The following AGTR1 variants were observed in gnomAD, a reference collection of about 807,000 sequenced individuals.
AGTR1 encodes the protein angiotensin II receptor type 1, also known as type-1 angiotensin II receptor.
Under a neutral mutation model 19.4 loss-of-function variants are expected in AGTR1, and 16 were observed. That is an observed-to-expected ratio of 0.82 (90% CI 0.56 to 1.25). AGTR1 has a LOEUF of 1.25. AGTR1 is among the 50% of genes most tolerant of loss of function. AGTR1 has a pLI of 0.00. For synonymous variants in AGTR1, 153 were observed against 154.9 expected (o/e 0.99, Z 0.09); for missense variants, 373 against 431.9 (o/e 0.86, Z 1.21).
chr3:148,703,065 T>C (rs1362782708), intron 1 of AGTR1, among the ~76,000 whole-genome samples: 1 of 151,834 alleles, frequency 6.6e-6, no homozygotes, highest in Admixed American at 6.6e-5. Flanking sequence ...GAATAAAAGG[T>C]TGAAATATCA....
intron 2 of AGTR1, among the ~76,000 whole-genome samples, chr3:148,720,370 T>C (rs1713562898): frequency 1.3e-5 from 2 of 152,126 alleles, no homozygotes; most frequent in South Asian, 4.1e-4. Context: ...TTCCATCATC[T>C]AAATAACTTC....
chr3:148,741,314 CTGGCCCTT>C lies in AGTR1; in HGVS notation c.284_291del (p.Pro95GlnfsTer5), dbSNP rs1431071473. 2.5e-6 allele frequency: 4 copies of C among 1,611,096 alleles called. No homozygotes were observed. The highest frequency in any genetic ancestry group is 3.4e-6 in the Non-Finnish European group (4 of 1,179,990). Reference sequence around the variant, plus strand: ...CTGTCTACACAGCTATGGAATACCGCTGGCCCTTTGGCAATTACCTATGTAAGATTGCT... The same window carrying C: ...CTGTCTACACAGCTATGGAATACCGCTGGCAATTACCTATGTAAGATTGCT... On this transcript the variant is annotated frameshift_variant, in exon 3 of 3. Coordinates refer to ENST00000349243, the MANE Select transcript of AGTR1 (RefSeq NM_000685.5). LOFTEE classifies it high-confidence loss of function.
chr3:148,740,072 AT>A, intron 2 of AGTR1: 1 of 992,668 alleles, frequency 1.0e-6, no homozygotes, highest in Non-Finnish European at 1.3e-6. Context: ...TTGACTGTTG[AT>A]TATGTAGAAA....
chr3:148,703,723 A>G (rs990208543), intron 1 of AGTR1, among the ~76,000 whole-genome samples: 2 of 152,184 alleles, frequency 1.3e-5, no homozygotes, highest in Non-Finnish European at 2.9e-5. Flanking sequence ...TGTTACCTAC[A>G]GTGTCTGCTC....
intron 2 of AGTR1, among the ~76,000 whole-genome samples, chr3:148,737,439 A>G (rs1714629846): frequency 6.6e-6 from 1 of 151,748 alleles, no homozygotes; most frequent in Non-Finnish European, 1.5e-5. Flanking sequence ...TGGGTCAGTG[A>G]TAAACACAGA....
chr3:148,720,774 T>TA (rs1713586393), intron 2 of AGTR1, among the ~76,000 whole-genome samples: 2 of 152,218 alleles, frequency 1.3e-5, no homozygotes, highest in Admixed American at 6.5e-5. Context: ...ATCTTTGCAT[T>TA]AAAAAATCAT....
chr3:148,699,962 A>G (rs1212972607), intron 1 of AGTR1, among the ~76,000 whole-genome samples: 1 of 152,146 alleles, frequency 6.6e-6, no homozygotes, highest in Non-Finnish European at 1.5e-5. Context: ...ATGCCAATGG[A>G]AGACTTGTCT....
chr3:148,712,840 T>A (rs1713070115), intron 2 of AGTR1, among the ~76,000 whole-genome samples: 1 of 152,164 alleles, frequency 6.6e-6, no homozygotes, highest in African/African-American at 2.4e-5. Flanking sequence ...AGTCTTCCTT[T>A]CACTTACAGA....
At chr3:148,701,132 G>C (rs1230890053) in intron 1 of AGTR1, among the ~76,000 whole-genome samples, 1 of 152,120 alleles carries the variant, frequency 6.6e-6, no homozygotes, top group Non-Finnish European at 1.5e-5. Flanking sequence ...AAATTGGCAA[G>C]TGACTACCAT....
chr3:148,704,736 CCT>C (rs1282838963), intron 1 of AGTR1, among the ~76,000 whole-genome samples: 2 of 152,146 alleles, frequency 1.3e-5, no homozygotes, highest in African/African-American at 2.4e-5. Context: ...CCGAATATCT[CCT>C]GTTTTGACAG....
Position 148,742,994 on chromosome 3 carries a change from T to G in AGTR1, c.*879T>G, listed in dbSNP as rs1452240328. On this transcript the variant is annotated 3_prime_UTR_variant, in exon 3 of 3. Coordinates refer to ENST00000349243, the MANE Select transcript of AGTR1 (RefSeq NM_000685.5). ...TATATTTACTTTAAAATAAAATAATTTTATTGCAATGTATTTATCTTCATT... is the reference window on the plus strand; with the variant it reads ...TATATTTACTTTAAAATAAAATAATGTTATTGCAATGTATTTATCTTCATT... 1.3e-5 allele frequency: 2 copies of G among 158,668 alleles called. No homozygotes were observed. Among genetic ancestry groups the G allele is most frequent in the East Asian group, 3.8e-4 (2 of 5,208 alleles). The allele number at this position is 158,668 out of a possible 1,614,324, so 9.8% of individuals were successfully genotyped here. A position where few individuals can be genotyped will look rare whatever the true frequency, so the allele number is the denominator to read the frequency against.
intron 1 of AGTR1, among the ~76,000 whole-genome samples, chr3:148,706,310 C>G (rs1712665924): frequency 6.6e-6 from 1 of 151,834 alleles, no homozygotes; most frequent in Non-Finnish European, 1.5e-5. Flanking sequence ...TGGGAACTTT[C>G]TTTTGTTAAT....
At chr3:148,713,320 AATAT>A (rs3039555) in intron 2 of AGTR1, among the ~76,000 whole-genome samples, 13 of 148,128 alleles carry the variant, frequency 8.8e-5, no homozygotes, top group Admixed American at 2.0e-4. Context: ...GGAGGGGGGG[AATAT>A]ATATATATAT....
At chr3:148,711,874 A>G (rs527755282) in intron 2 of AGTR1, among the ~76,000 whole-genome samples, 30 of 152,086 alleles carry the variant, frequency 2.0e-4, no homozygotes, top group Admixed American at 3.9e-4. Flanking sequence ...TCATCCTCCC[A>G]AGTATCTAGG....
intron 2 of AGTR1, chr3:148,739,901 T>C: frequency 8.1e-7 from 1 of 1,231,996 alleles, no homozygotes; most frequent in Non-Finnish European, 1.0e-6. Flanking sequence ...CACCTAGCTG[T>C]CCTGGCCTGT....
intron 1 of AGTR1, among the ~76,000 whole-genome samples, chr3:148,700,022 T>C (rs1231233805): frequency 6.6e-6 from 1 of 152,220 alleles, no homozygotes; most frequent in Non-Finnish European, 1.5e-5. Flanking sequence ...GCGGCAATGC[T>C]GCTGTCCCAC....
At chr3:148,702,297 G>T (rs1712395047) in intron 1 of AGTR1, among the ~76,000 whole-genome samples, 1 of 152,036 alleles carries the variant, frequency 6.6e-6, no homozygotes, top group East Asian at 1.9e-4. Flanking sequence ...CTTTTAAAGA[G>T]AATTTGTTGT....
intron 2 of AGTR1, among the ~76,000 whole-genome samples, chr3:148,734,691 C>T (rs1714470044): frequency 1.3e-5 from 2 of 152,116 alleles, no homozygotes; most frequent in Admixed American, 6.5e-5. Flanking sequence ...TCTAGGATTA[C>T]CAACCAAGAG....
chr3:148,717,147 G>C (rs1713350408), intron 2 of AGTR1, among the ~76,000 whole-genome samples: 1 of 151,976 alleles, frequency 6.6e-6, no homozygotes, highest in Non-Finnish European at 1.5e-5. Flanking sequence ...GACATAACTG[G>C]AATTATTGCC....
Sources: allele counts gnomAD v4.1 joint callset (sites outside exome capture counted in the v4.1 genomes callset), GRCh38; gene constraint gnomAD v4.1.1; transcripts MANE v1.5; gene names NCBI Gene and HGNC (gene_info 2026-07-23, HGNC 2026-07-21).